The following WDR70 variants were observed in gnomAD, a reference collection of about 807,000 sequenced individuals.
The protein encoded by WDR70 is WD repeat-containing protein 70.
Under a neutral mutation model 88.6 loss-of-function variants are expected in WDR70, and 53 were observed. The observed-to-expected ratio is 0.60, with a 90% CI of 0.48 to 0.75. The LOEUF is 0.75. Among genes scored for constraint, WDR70 ranks in the 30% least tolerant of loss-of-function variants. The pLI is 0.00. For synonymous variants in WDR70, 280 were observed against 270.0 expected, an observed-to-expected ratio of 1.04 and a Z score of -0.36; for missense variants, 610 against 823.2, an observed-to-expected ratio of 0.74 and a Z score of 3.17.
At chr5:37,738,151 G>A (rs1748358721) in intron 17 of WDR70, among the ~76,000 whole-genome samples, 1 of 151,932 alleles carries the variant, frequency 6.6e-6, no homozygotes, top group African/African-American at 2.4e-5. Context: ...TTCTGCAATT[G>A]TGATGACTGT....
chr5:37,401,055 G>C (rs1281480323), intron 5 of WDR70, among the ~76,000 whole-genome samples: 1 of 151,924 alleles, frequency 6.6e-6, no homozygotes, highest in Non-Finnish European at 1.5e-5. Flanking sequence ...CTGGAGTACA[G>C]TGGTGTAATC....
At chr5:37,459,213 C>T (rs1202139837) in intron 7 of WDR70, among the ~76,000 whole-genome samples, 9 of 69,294 alleles carry the variant, frequency 1.3e-4, no homozygotes, top group Non-Finnish European at 2.9e-4. Flanking sequence ...AATTTCTGTT[C>T]TTTTACATTT....
At chr5:37,688,172 C>T (rs533143037) in intron 10 of WDR70, among the ~76,000 whole-genome samples, 6 of 152,264 alleles carry the variant, frequency 3.9e-5, no homozygotes, top group African/African-American at 1.2e-4. Flanking sequence ...CCTGTTTTGC[C>T]TTTTCCCTAA....
chr5:37,521,862 C>T (rs1741103883), intron 9 of WDR70, among the ~76,000 whole-genome samples: 1 of 152,102 alleles, frequency 6.6e-6, no homozygotes, highest in South Asian at 2.1e-4. Context: ...ATAATGACTT[C>T]TTTTCCTCTG....
At chr5:37,390,207 G>A (rs1172750912) in intron 3 of WDR70, among the ~76,000 whole-genome samples, 2 of 148,604 alleles carry the variant, frequency 1.3e-5, no homozygotes, top group African/African-American at 4.9e-5. Flanking sequence ...ATATTTTTTT[G>A]TCTTTCTAGA....
intron 9 of WDR70, among the ~76,000 whole-genome samples, chr5:37,558,647 T>A (rs1263970146): frequency 6.6e-6 from 1 of 151,902 alleles, no homozygotes; most frequent in Non-Finnish European, 1.5e-5. Flanking sequence ...TTTAAAACAA[T>A]TTTTTTTCTT....
chr5:37,417,977 A>G (rs1277572728), intron 5 of WDR70, among the ~76,000 whole-genome samples: 1 of 152,232 alleles, frequency 6.6e-6, no homozygotes, highest in Non-Finnish European at 1.5e-5. Context: ...AAATGATGTT[A>G]AAGAAGTTCT....
chr5:37,487,627 A>ATT (rs70978825), intron 8 of WDR70, among the ~76,000 whole-genome samples: 16 of 69,040 alleles, frequency 2.3e-4, no homozygotes, highest in African/African-American at 8.0e-4. Flanking sequence ...ATATATATGT[A>ATT]TTTTTTTTTT....
chr5:37,665,780 T>C (rs1745821641), intron 10 of WDR70, among the ~76,000 whole-genome samples: 1 of 152,344 alleles, frequency 6.6e-6, no homozygotes, highest in South Asian at 2.1e-4. Flanking sequence ...GGAAAGTTGC[T>C]TTGTCGTATA....
At chr5:37,431,746 A>G (rs773142176) in intron 5 of WDR70, among the ~76,000 whole-genome samples, 8 of 152,156 alleles carry the variant, frequency 5.3e-5, no homozygotes, top group Non-Finnish European at 8.8e-5. Context: ...GGCAGCAACC[A>G]TTCTGCTTTC....
chr5:37,671,477 A>C (rs909239934), intron 10 of WDR70, among the ~76,000 whole-genome samples: 1 of 152,148 alleles, frequency 6.6e-6, no homozygotes, highest in Non-Finnish European at 1.5e-5. Flanking sequence ...AAAACTGGAA[A>C]AGTCTAGCAG....
intron 9 of WDR70, among the ~76,000 whole-genome samples, chr5:37,527,016 G>A (rs1335054989): frequency 6.6e-6 from 1 of 152,144 alleles, no homozygotes; most frequent in Non-Finnish European, 1.5e-5. Context: ...CCATGCTCAT[G>A]GGTAGGAAGA....
At chr5:37,505,069 TTA>T (rs1397404810) in intron 8 of WDR70, among the ~76,000 whole-genome samples, 1 of 152,198 alleles carries the variant, frequency 6.6e-6, no homozygotes. Context: ...TATTTTTACT[TTA>T]TATATATTTA....
At chr5:37,571,208 G>A (rs1742890636) in intron 9 of WDR70, among the ~76,000 whole-genome samples, 1 of 152,104 alleles carries the variant, frequency 6.6e-6, no homozygotes, top group Non-Finnish European at 1.5e-5. Flanking sequence ...TCTAAGTAGC[G>A]CTGCCTATTG....
At chr5:37,673,583 A>ACCCTCC (rs1746094522) in intron 10 of WDR70, among the ~76,000 whole-genome samples, 2 of 76,228 alleles carry the variant, frequency 2.6e-5, no homozygotes, top group Non-Finnish European at 4.8e-5. Flanking sequence ...GACTTTTCTT[A>ACCCTCC]CCCCCCCCCC....
chr5:37,546,666 C>T (rs930327572), intron 9 of WDR70, among the ~76,000 whole-genome samples: 1 of 152,132 alleles, frequency 6.6e-6, no homozygotes, highest in African/African-American at 2.4e-5. Context: ...CGCCTGTAAT[C>T]CCAGGACTTT....
Position 37,656,588 on chromosome 5 carries a change from G to A in WDR70, c.1093-41067G>A, listed in dbSNP as rs193245099. 3.0e-3 allele frequency among the ~76,000 whole-genome samples: 454 copies of A among 152,306 alleles called. 1 individual carries two copies. Among genetic ancestry groups the A allele is most frequent in the Middle Eastern group, 0.01 (3 of 294 alleles). On this transcript the variant is annotated intron_variant, in intron 10 of 17. Transcript: ENST00000265107. ...GTGCTCTGTCCCAGGGAGATGGCAC[G>A]TTTATCTTATAAGCCCCTGACTGGG... is the stretch of plus-strand genomic sequence containing the variant.
intron 5 of WDR70, among the ~76,000 whole-genome samples, chr5:37,397,150 C>G (rs764349610): frequency 2.1e-5 from 2 of 94,006 alleles, no homozygotes; most frequent in Non-Finnish European, 4.5e-5. Context: ...CCGCCCCCCC[C>G]AACCCCCCCG....
At chr5:37,424,898 A>G (rs1750073611) in intron 5 of WDR70, among the ~76,000 whole-genome samples, 1 of 152,232 alleles carries the variant, frequency 6.6e-6, no homozygotes, top group Admixed American at 6.5e-5. Flanking sequence ...CAGAGAACAA[A>G]ACAGACAAAA....
Sources: allele counts gnomAD v4.1 joint callset (sites outside exome capture counted in the v4.1 genomes callset), GRCh38; gene constraint gnomAD v4.1.1; transcripts MANE v1.5; gene names NCBI Gene and HGNC (gene_info 2026-07-23, HGNC 2026-07-21).